Variants in TAF4B observed in about 807,000 individuals in gnomAD.
TAF4B encodes TATA-box binding protein associated factor 4b, also known as transcription initiation factor TFIID subunit 4B.
TAF4B carries 38 observed loss-of-function variants against 86.4 expected under a neutral mutation model. That is an observed-to-expected ratio of 0.44 (90% CI 0.34 to 0.58). The LOEUF (loss-of-function observed/expected upper bound fraction) is 0.58. Among genes scored for constraint, TAF4B ranks in the 20% least tolerant of loss-of-function variants. TAF4B has a pLI of 0.02. For missense variants in TAF4B, 988 were observed against 1,027.6 expected, an observed-to-expected ratio of 0.96 and a Z score of 0.53; for synonymous variants, 388 against 391.2, an observed-to-expected ratio of 0.99 and a Z score of 0.10.
At chr18:26,388,716 G>A (rs1416650200) in intron 14 of TAF4B, among the ~76,000 whole-genome samples, 1 of 152,224 alleles carries the variant, frequency 6.6e-6, no homozygotes, top group Admixed American at 6.5e-5. Flanking sequence ...TGGGAAGTGA[G>A]GTTAGAGCGA....
chr18:26,366,539 T>C (rs1312773781), intron 14 of TAF4B: 1 of 152,254 alleles, frequency 6.6e-6, no homozygotes, highest in Non-Finnish European at 1.5e-5. Context: ...ATGTCTGCCA[T>C]GCTTATAAGA....
Position 26,247,111 on chromosome 18 carries a change from C to T in TAF4B, c.344-18059C>T, listed in dbSNP as rs567836997. On this transcript the variant is annotated intron_variant, in intron 1 of 14. Transcript: ENST00000269142. ...AACTCCCGATCTTAGGTGATCCACC[C>T]GCCTCGGCCTCCCAAATTGCTGGGA... 5.3e-5 allele frequency among the ~76,000 whole-genome samples: 8 copies of T among 151,052 alleles called. No individual in the cohort carries two copies. The South Asian group carries it at 8.5e-4, about 16-fold the overall frequency.
chr18:26,375,799 A>G (rs2057438768), intron 14 of TAF4B, among the ~76,000 whole-genome samples: 1 of 152,096 alleles, frequency 6.6e-6, no homozygotes, highest in Admixed American at 6.6e-5. Flanking sequence ...CCAGTGTCAC[A>G]ATAATTTATG....
At position 26,388,580 on chromosome 18, in the gene TAF4B, A is replaced by G. The variant is rs532849175; in HGVS notation, c.2422-1265A>G. Among the ~76,000 whole-genome samples, 3 of 152,340 alleles carry G rather than the reference A, an allele frequency of 2.0e-5. No individual in the cohort carries two copies. The South Asian group carries it at 6.2e-4, about 32-fold the overall frequency. Reference sequence around the variant, plus strand: ...AGTGAGATTTCCTTGGATGAAGGACAGGTAGACCCATTTGAAATGGGTCTT... The same window carrying G: ...AGTGAGATTTCCTTGGATGAAGGACGGGTAGACCCATTTGAAATGGGTCTT... On this transcript the variant is annotated intron_variant, in intron 14 of 14. Transcript: ENST00000269142.
intron 14 of TAF4B, among the ~76,000 whole-genome samples, chr18:26,361,290 AT>A (rs572627321): frequency 3.7e-4 from 18 of 48,914 alleles, no homozygotes; most frequent in Admixed American, 3.5e-4. Context: ...ATTAATTTTA[AT>A]TTTTTTTTTT....
At position 26,226,899 on chromosome 18, in the gene TAF4B, C is replaced by T; in HGVS notation, c.-35C>T. On this transcript the variant is annotated 5_prime_UTR_variant, in exon 1 of 15. Transcript: ENST00000269142. ...CCTCCCCTCACCTCTGCTCCCGGAA[C>T]CGCAGCGCCAAAGCTGCCGCTGAGC... is the stretch of plus-strand genomic sequence containing the variant. 1.5e-6 allele frequency: 2 copies of T among 1,344,464 alleles called. No individual in the cohort carries two copies. The highest frequency in any genetic ancestry group is 1.9e-5 in the South Asian group (1 of 52,846). 83.3% of individuals were successfully genotyped at this position (1,344,464 alleles called of 1,614,324 possible).
At chr18:26,328,768 C>T (rs775786572) in intron 12 of TAF4B, among the ~76,000 whole-genome samples, 4 of 151,934 alleles carry the variant, frequency 2.6e-5, no homozygotes, top group African/African-American at 4.8e-5. Flanking sequence ...TACAGACGCT[C>T]ACCACCACGC....
At chr18:26,308,966 G>A (rs1016110104) in intron 9 of TAF4B, among the ~76,000 whole-genome samples, 1 of 150,450 alleles carries the variant, frequency 6.6e-6, no homozygotes, top group Non-Finnish European at 1.5e-5. Flanking sequence ...GGAAACAATT[G>A]ATAACTAAAT....
intron 1 of TAF4B, among the ~76,000 whole-genome samples, chr18:26,251,988 C>T (rs991835329): frequency 6.6e-6 from 1 of 152,136 alleles, no homozygotes; most frequent in Non-Finnish European, 1.5e-5. Context: ...GACCTCTTGG[C>T]ATTAATAGCT....
chr18:26,244,476 C>T (rs141628901), intron 1 of TAF4B, among the ~76,000 whole-genome samples: 159 of 152,294 alleles, frequency 1.0e-3, no homozygotes, highest in African/African-American at 3.3e-3. Flanking sequence ...CTGTCTGTCA[C>T]GGCTTCCCTT....
At chr18:26,294,542 TTATA>T (rs2056637080) in intron 9 of TAF4B, among the ~76,000 whole-genome samples, 1 of 149,242 alleles carries the variant, frequency 6.7e-6, no homozygotes, top group African/African-American at 2.4e-5. Flanking sequence ...TATATATTTC[TTATA>T]TATACAAATA....
intron 14 of TAF4B, among the ~76,000 whole-genome samples, chr18:26,384,838 G>A (rs72881891): frequency 0.044 from 6,642 of 152,202 alleles, 201 homozygotes; most frequent in Non-Finnish European, 0.061. Context: ...TTGCAGATTC[G>A]GAAACTGAGG....
At chr18:26,250,358 A>G (rs1236217039) in intron 1 of TAF4B, among the ~76,000 whole-genome samples, 1 of 152,048 alleles carries the variant, frequency 6.6e-6, no homozygotes, top group African/African-American at 2.4e-5. Context: ...TTAGCCAGGC[A>G]TGGTAGCAGG....
intron 7 of TAF4B, among the ~76,000 whole-genome samples, chr18:26,286,976 A>G (rs2056531677): frequency 6.6e-6 from 1 of 152,192 alleles, no homozygotes; most frequent in South Asian, 2.1e-4. Context: ...GCAATGAGCC[A>G]CCACGCCCAG....
At chr18:26,320,934 A>G in intron 10 of TAF4B, 136 bp from the exon 11 acceptor site, 1 of 1,042,916 alleles carries the variant, frequency 9.6e-7, no homozygotes, top group Non-Finnish European at 1.4e-6. Context: ...TTGTGACTTT[A>G]CTAGGAAAAT....
chr18:26,283,240 C>T (rs894091045), intron 6 of TAF4B, among the ~76,000 whole-genome samples: 9 of 152,198 alleles, frequency 5.9e-5, no homozygotes, highest in African/African-American at 1.7e-4. Flanking sequence ...CTATGGCAGC[C>T]GTAGTCTTAC....
At chr18:26,346,869 A>ACG (rs1161422409) in intron 13 of TAF4B, among the ~76,000 whole-genome samples, 1 of 6,652 alleles carries the variant, frequency 1.5e-4, no homozygotes, top group African/African-American at 3.8e-4. Flanking sequence ...GTGTATATAT[A>ACG]TATATGTGTA....
At chr18:26,304,765 T>A (rs543156222) in intron 9 of TAF4B, 10 of 985,410 alleles carry the variant, frequency 1.0e-5, no homozygotes, top group Middle Eastern at 5.2e-4. Context: ...ACCTTTTTTT[T>A]AACAGGTCCT....
chr18:26,352,447 CT>C (rs994363713), intron 13 of TAF4B, among the ~76,000 whole-genome samples: 17 of 152,018 alleles, frequency 1.1e-4, no homozygotes, highest in African/African-American at 3.9e-4. Flanking sequence ...TCTTTGAGTA[CT>C]AATCAATGAC....
Sources: allele counts gnomAD v4.1 joint callset (sites outside exome capture counted in the v4.1 genomes callset), GRCh38; gene constraint gnomAD v4.1.1; transcripts MANE v1.5; gene names NCBI Gene and HGNC (gene_info 2026-07-23, HGNC 2026-07-21).